The following PTPRM variants were observed in gnomAD, a reference collection of about 807,000 sequenced individuals.
PTPRM encodes the protein protein tyrosine phosphatase receptor type M, also known as receptor-type tyrosine-protein phosphatase mu.
In PTPRM, 47 loss-of-function variants were observed where a neutral mutation model predicts 186.7. That is an observed-to-expected ratio of 0.25 (90% CI 0.20 to 0.32). The LOEUF is 0.32. Ranked by LOEUF, PTPRM falls within the 10% of genes least tolerant of loss-of-function variation. PTPRM has a pLI of 1.00. For synonymous variants in PTPRM, 668 were observed against 674.9 expected (o/e 0.99, Z 0.16); for missense variants, 1,494 against 1,865.0 (o/e 0.80, Z 3.66).
intron 1 of PTPRM, among the ~76,000 whole-genome samples, chr18:7,612,304 G>C (rs1470346426): frequency 6.6e-6 from 1 of 152,048 alleles, no homozygotes; most frequent in Non-Finnish European, 1.5e-5. Flanking sequence ...TGAAGGTGCT[G>C]GCCACATTTT....
intron 14 of PTPRM, among the ~76,000 whole-genome samples, chr18:8,238,978 C>CTT (rs570808996): frequency 0.36 from 52,020 of 143,026 alleles, 9,551 homozygotes; most frequent in African/African-American, 0.4. Flanking sequence ...CATAGCTTCT[C>CTT]TTTTTTTTTT....
intron 1 of PTPRM, among the ~76,000 whole-genome samples, chr18:7,712,107 A>G (rs2040226026): frequency 6.6e-6 from 1 of 152,142 alleles, no homozygotes; most frequent in Non-Finnish European, 1.5e-5. Flanking sequence ...CTCATACAGG[A>G]GAGCTCTGGC....
intron 14 of PTPRM, among the ~76,000 whole-genome samples, chr18:8,225,178 T>G (rs2094199137): frequency 6.6e-6 from 1 of 152,220 alleles, no homozygotes; most frequent in African/African-American, 2.4e-5. Context: ...GCAGTTCATA[T>G]AGGAAACTCA....
rs754116841 is a variant in PTPRM at position 7,668,422 on chromosome 18, G to A, written c.73+100531G>A. The stretch of plus-strand genomic sequence containing the variant: ...TCTCAGCTGCAACGGTATTTAACAC[G>A]TTTTACACATTTTTGTTGGATATTC... On this transcript the variant is annotated intron_variant, in intron 1 of 32. Transcript: ENST00000580170. The surrounding 1 kb of genome is among the most constrained non-coding windows in gnomAD (Gnocchi z 4.7). Among the ~76,000 whole-genome samples the A allele has an allele frequency of 7.9e-5, 12 of 152,208 alleles. No individual in the cohort carries two copies. The highest frequency in any genetic ancestry group is 2.0e-4 in the Admixed American group (3 of 15,278).
chr18:8,321,675 C>G (rs1416237111), intron 22 of PTPRM, among the ~76,000 whole-genome samples: 1 of 152,204 alleles, frequency 6.6e-6, no homozygotes, highest in Non-Finnish European at 1.5e-5. Flanking sequence ...CAGCCTTTCC[C>G]TGGTACAAGG....
intron 4 of PTPRM, among the ~76,000 whole-genome samples, chr18:7,918,078 T>TTGTA (rs112848547): frequency 1.2e-3 from 182 of 148,102 alleles, no homozygotes; most frequent in African/African-American, 4.5e-3. Context: ...TCTTGTGTGT[T>TTGTA]TGTGTGTGTG....
intron 1 of PTPRM, among the ~76,000 whole-genome samples, chr18:7,679,901 G>T (rs1002740489): frequency 5.3e-5 from 8 of 151,614 alleles, no homozygotes; most frequent in Non-Finnish European, 1.2e-4. Flanking sequence ...GATCTCACTC[G>T]GTCACTCAGG....
intron 2 of PTPRM, among the ~76,000 whole-genome samples, chr18:7,807,911 C>A (rs1178458653): frequency 6.6e-6 from 1 of 152,060 alleles, no homozygotes; most frequent in African/African-American, 2.4e-5. Flanking sequence ...CATAATTTAC[C>A]CTGCAGGTAC....
At chr18:8,239,689 G>T (rs2094394193) in intron 14 of PTPRM, among the ~76,000 whole-genome samples, 1 of 152,124 alleles carries the variant, frequency 6.6e-6, no homozygotes, top group African/African-American at 2.4e-5. Flanking sequence ...GCAGTGGTTT[G>T]CCCTGTAGCC....
At chr18:8,396,883 G>A (rs2095847691) in intron 32 of PTPRM, among the ~76,000 whole-genome samples, 1 of 152,218 alleles carries the variant, frequency 6.6e-6, no homozygotes. Flanking sequence ...AATAGGACCT[G>A]TTGTCATTTG....
chr18:8,183,979 T>C (rs891643807), intron 14 of PTPRM, among the ~76,000 whole-genome samples: 3 of 152,214 alleles, frequency 2.0e-5, no homozygotes, highest in African/African-American at 7.2e-5. Context: ...TTCTGTGTTC[T>C]ATCCCTGTCT....
chr18:7,602,162 G>A (rs1489356127), intron 1 of PTPRM, among the ~76,000 whole-genome samples: 1 of 152,164 alleles, frequency 6.6e-6, no homozygotes, highest in Non-Finnish European at 1.5e-5. Context: ...CTTTAAAGTG[G>A]TCAGGACTGC....
intron 1 of PTPRM, among the ~76,000 whole-genome samples, chr18:7,684,162 T>C (rs1480791323): frequency 1.3e-5 from 2 of 151,952 alleles, no homozygotes; most frequent in Non-Finnish European, 2.9e-5. Flanking sequence ...TAGCCTGGTG[T>C]GGTGGTACAT....
chr18:8,179,551 C>T (rs377050820), intron 14 of PTPRM, among the ~76,000 whole-genome samples: 2 of 151,674 alleles, frequency 1.3e-5, no homozygotes, highest in East Asian at 1.9e-4. Context: ...CTCACTGCAA[C>T]CTCCGCCTCC....
chr18:8,345,981 G>A (rs1294823435), intron 23 of PTPRM, among the ~76,000 whole-genome samples: 1 of 152,182 alleles, frequency 6.6e-6, no homozygotes, highest in African/African-American at 2.4e-5. Context: ...CAGACAAGGG[G>A]GGAGGTACTA....
At chr18:7,804,257 G>T (rs944279774) in intron 2 of PTPRM, among the ~76,000 whole-genome samples, 1 of 152,058 alleles carries the variant, frequency 6.6e-6, no homozygotes, top group South Asian at 2.1e-4. Context: ...TGAGGGGGGT[G>T]GGCTGGCAGT....
intron 14 of PTPRM, among the ~76,000 whole-genome samples, chr18:8,235,201 C>G (rs1020191699): frequency 1.3e-5 from 2 of 151,970 alleles, no homozygotes; most frequent in Non-Finnish European, 2.9e-5. Flanking sequence ...ACCATCTGAG[C>G]CTGGTACTTC....
At chr18:8,387,390 G>C (rs889816429) in intron 31 of PTPRM, among the ~76,000 whole-genome samples, 155 bp downstream of exon 31, 3 of 151,992 alleles carry the variant, frequency 2.0e-5, no homozygotes, top group Admixed American at 1.3e-4. Flanking sequence ...GGATTGGTTG[G>C]CTTTTCAGGA....
At chr18:7,718,037 C>T (rs1344180129) in intron 1 of PTPRM, among the ~76,000 whole-genome samples, 5 of 151,826 alleles carry the variant, frequency 3.3e-5, no homozygotes, top group Non-Finnish European at 5.9e-5. Flanking sequence ...ATACCATCAT[C>T]ATTCTTCACA....
Sources: gnomAD v4.1 joint callset for allele counts (sites outside exome capture counted in the v4.1 genomes callset) on GRCh38, gnomAD v4.1.1 for gene constraint, Gnocchi (gnomAD v3.1) non-coding constraint, MANE v1.5 for transcripts, NCBI Gene and HGNC (gene_info 2026-07-23, HGNC 2026-07-21) for gene names.